The following CTCF variants were observed in gnomAD, a reference collection of about 807,000 sequenced individuals.
CTCF encodes transcriptional repressor CTCF.
CTCF carries 7 observed loss-of-function variants against 72.3 expected under a neutral mutation model. The observed-to-expected ratio is 0.10, with a 90% confidence interval of 0.06 to 0.18. CTCF has a LOEUF of 0.18. Among genes scored for constraint, CTCF ranks in the 10% least tolerant of loss-of-function variants. The pLI, the probability that CTCF is intolerant of heterozygous loss-of-function variation, is 1.00. For missense variants in CTCF, 516 were observed against 949.1 expected (o/e 0.54, Z 6.00); for synonymous variants, 374 against 315.8 (o/e 1.18, Z -1.95).
In CTCF at chr16:67,626,689, G is replaced by T; in HGVS notation, c.1492G>T (p.Asp498Tyr). 6.6e-7 allele frequency: 1 copy of T among 1,510,116 alleles called. No homozygotes were observed. Among genetic ancestry groups the T allele is most frequent in the Non-Finnish European group, 8.9e-7 (1 of 1,124,024 alleles). The allele number at this position is 1,510,116 out of a possible 1,614,324, so 93.5% of individuals were successfully genotyped here. A position where few individuals can be genotyped will look rare whatever the true frequency, so the allele number is the denominator to read the frequency against. Residue 498 changes from aspartate (D) to tyrosine (Y), a missense_variant, in exon 8 of 12, where the codon GAC (aspartate) becomes TAC (tyrosine). Physicochemically the swap from Asp to Tyr is radical, Grantham distance 160. Coordinates refer to ENST00000264010, the MANE Select transcript of CTCF (RefSeq NM_006565.4). ...SHKNEKRFKC[D>Y]QCDYACRQER... ...CAAGAATGAGAAGCGCTTTAAGTGT[G>T]ACCAGTGTGATTACGCTTGTAGACA...
At chr16:67,615,187 A>G (rs890185857) in intron 4 of CTCF, 1 of 152,278 alleles carries the variant, frequency 6.6e-6, no homozygotes, top group Non-Finnish European at 1.5e-5. Context: ...GTAGGTGGTC[A>G]TGTGGCACAG....
intron 2 of CTCF, 44 bp from the exon 3 acceptor site, chr16:67,610,780 C>T (rs1250487461): frequency 7.7e-7 from 1 of 1,303,822 alleles, no homozygotes; most frequent in African/African-American, 1.5e-5. Context: ...TTTATTTAGA[C>T]ATGCTTTGCT....
In CTCF at chr16:67,616,640, GA is replaced by G. The variant is rs142816598; in HGVS notation, c.953-104del. 5.0e-3 allele frequency: 6,525 copies of G among 1,316,984 alleles called. 31 individuals carry two copies. The highest frequency in any genetic ancestry group is 6.4e-3 in the Non-Finnish European group (5,995 of 933,058). The allele number at this position is 1,316,984 out of a possible 1,614,324, so 81.6% of individuals were successfully genotyped here. On this transcript the variant is annotated intron_variant, in intron 4 of 11. Coordinates refer to ENST00000264010, the MANE Select transcript of CTCF (RefSeq NM_006565.4). Reference sequence around the variant, plus strand: ...GCTTTCAAGCTACTGCAGTTGATGGGATGAATAGGGTTCCAGTCTCATAGCA... The same window carrying G: ...GCTTTCAAGCTACTGCAGTTGATGGGTGAATAGGGTTCCAGTCTCATAGCA...
At chr16:67,635,344 A>T (rs542831495) in intron 10 of CTCF, among the ~76,000 whole-genome samples, 5 of 146,196 alleles carry the variant, frequency 3.4e-5, no homozygotes, top group East Asian at 4.2e-4. Flanking sequence ...TGTTTTTTTT[A>T]AAGTAGAGAC....
At chr16:67,621,082 A>T (rs2052193755) in intron 6 of CTCF, 1 of 368,706 alleles carries the variant, frequency 2.7e-6, no homozygotes, top group Non-Finnish European at 4.8e-6. Context: ...AAATGGACAG[A>T]TTTTAATTTT....
At chr16:67,631,686 C>CA (rs1445621880) in intron 10 of CTCF, among the ~76,000 whole-genome samples, 2 of 116,000 alleles carry the variant, frequency 1.7e-5, no homozygotes, top group Non-Finnish European at 3.5e-5. Context: ...CCCCACCCCC[C>CA]CCCCCTTTTT....
intron 2 of CTCF, among the ~76,000 whole-genome samples, chr16:67,578,674 A>G (rs2051537792): frequency 6.7e-6 from 1 of 149,596 alleles, no homozygotes; most frequent in Non-Finnish European, 1.5e-5. Flanking sequence ...TAGGCCGGGC[A>G]TGGTGTCTCA....
At chr16:67,581,964 C>T (rs2051589223) in intron 2 of CTCF, among the ~76,000 whole-genome samples, 1 of 152,124 alleles carries the variant, frequency 6.6e-6, no homozygotes, top group African/African-American at 2.4e-5. Flanking sequence ...TGGCTCATGC[C>T]TGTAATCCCA....
chr16:67,637,889 G>A lies in CTCF; in HGVS notation c.*17G>A, dbSNP rs760399559. 32 of 1,591,656 alleles carry A rather than the reference G, an allele frequency of 2.0e-5. No individual in the cohort carries two copies. The highest frequency in any genetic ancestry group is 1.9e-4 in the Admixed American group (11 of 57,312). The stretch of plus-strand genomic sequence containing the variant: ...GACCGGTGATGGCGGAGCCTTGTGC[G>A]TCGCCAGGACTTCTCTGGGCTGTGT... On this transcript the variant is annotated 3_prime_UTR_variant, in exon 12 of 12. Coordinates refer to ENST00000264010, the MANE Select transcript of CTCF (RefSeq NM_006565.4).
chr16:67,579,032 A>G (rs1370726746), intron 2 of CTCF, among the ~76,000 whole-genome samples: 1 of 151,770 alleles, frequency 6.6e-6, no homozygotes, highest in East Asian at 2.0e-4. Context: ...AGGTGCGTGG[A>G]TCACCTGAGG....
chr16:67,606,175 C>G (rs1175929835), intron 2 of CTCF, among the ~76,000 whole-genome samples: 1 of 152,196 alleles, frequency 6.6e-6, no homozygotes. Flanking sequence ...ACCCTCTCCT[C>G]TGTCCTGTGC....
rs559716585 is a variant in CTCF at position 67,566,441 on chromosome 16, C to T, written c.-127+3717C>T. On this transcript the variant is annotated intron_variant, in intron 1 of 11. Transcript: ENST00000264010. ...AGGAGAATCACTTGAACCCGGGAGGCGGAGGTTGCAGTGAGTCAAGATCGT... is the reference window on the plus strand; with the variant it reads ...AGGAGAATCACTTGAACCCGGGAGGTGGAGGTTGCAGTGAGTCAAGATCGT... 1.8e-3 allele frequency among the ~76,000 whole-genome samples: 227 copies of T among 126,960 alleles called. 2 individuals are homozygous for T. Among genetic ancestry groups the T allele is most frequent in the Non-Finnish European group, 2.8e-3 (175 of 62,218 alleles). The allele number at this position is 126,960 out of a possible 152,430, so 83.3% of individuals were successfully genotyped here.
chr16:67,582,925 T>C (rs774701173), intron 2 of CTCF, among the ~76,000 whole-genome samples: 1 of 152,064 alleles, frequency 6.6e-6, no homozygotes, highest in Non-Finnish European at 1.5e-5. Context: ...CTGTAAATAC[T>C]CTACACATTT....
chr16:67,579,036 C>G (rs1475728400), intron 2 of CTCF, among the ~76,000 whole-genome samples: 2 of 151,968 alleles, frequency 1.3e-5, no homozygotes, highest in East Asian at 4.0e-4. Context: ...GCGTGGATCA[C>G]CTGAGGTCAG....
In CTCF at chr16:67,626,585, T is replaced by C. The variant is rs1307544660; in HGVS notation, c.1388T>C (p.Ile463Thr). The change falls in exon 8 of 12, where the codon ATT becomes ACT. Residue 463 changes from isoleucine (I) to threonine (T), a missense_variant. By Grantham distance (89) the Ile-to-Thr change is moderately conservative (BLOSUM62 -1). This residue lies in a region of CTCF where 81 missense variants were observed against 184.3 expected (regional missense o/e 0.44). Coordinates refer to ENST00000264010, the MANE Select transcript of CTCF (RefSeq NM_006565.4). ...GVHLRKQHSY[I>T]EQGKKCRYCD... is the part of the protein sequence containing the mutation. Reference sequence around the variant, plus strand: ...CACTTGCGAAAGCAGCATTCCTATATTGAGCAAGGCAAGAAATGCCGTTAC... The same window carrying C: ...CACTTGCGAAAGCAGCATTCCTATACTGAGCAAGGCAAGAAATGCCGTTAC... The C allele has an allele frequency of 1.3e-6, 2 of 1,549,806 alleles. No individual in the cohort carries two copies. The highest frequency in any genetic ancestry group is 1.7e-6 in the Non-Finnish European group (2 of 1,144,898).
chr16:67,583,819 A>C (rs2051623639), intron 2 of CTCF, among the ~76,000 whole-genome samples: 1 of 152,132 alleles, frequency 6.6e-6, no homozygotes, highest in African/African-American at 2.4e-5. Context: ...GAGGGAGAAA[A>C]GGGCATTCTG....
At chr16:67,624,104 T>TGTGA (rs1261874178) in intron 7 of CTCF, among the ~76,000 whole-genome samples, 2 of 137,540 alleles carry the variant, frequency 1.5e-5, no homozygotes, top group African/African-American at 6.0e-5. Flanking sequence ...TGTGTGTGTG[T>TGTGA]GTGTGTGTGT....
At chr16:67,636,984 C>T in intron 11 of CTCF, 133 bp downstream of exon 11, 1 of 806,324 alleles carries the variant, frequency 1.2e-6, no homozygotes, top group Non-Finnish European at 1.8e-6. Context: ...AGAACAAACT[C>T]TCAGGAAATG....
intron 2 of CTCF, among the ~76,000 whole-genome samples, chr16:67,585,334 G>A (rs2051655260): frequency 6.6e-6 from 1 of 152,210 alleles, no homozygotes; most frequent in Non-Finnish European, 1.5e-5. Flanking sequence ...ACAGGCGTGA[G>A]CCACCGTGCC....
Sources: allele counts gnomAD v4.1 joint callset (sites outside exome capture counted in the v4.1 genomes callset), GRCh38; gene constraint gnomAD v4.1.1; regional missense constraint gnomAD v4.1.1; transcripts MANE v1.5; gene names NCBI Gene and HGNC (gene_info 2026-07-23, HGNC 2026-07-21).